Variants in COL4A6 observed in about 807,000 individuals in gnomAD.
COL4A6 encodes collagen alpha-6(IV) chain.
COL4A6 carries 59 observed loss-of-function variants against 126.7 expected under a neutral mutation model. The observed-to-expected ratio is 0.47, with a 90% confidence interval of 0.38 to 0.58. The LOEUF (loss-of-function observed/expected upper bound fraction) is 0.58, where lower values mean the gene tolerates loss of function less well. Among genes scored for constraint, COL4A6 ranks in the 20% least tolerant of loss-of-function variants. COL4A6 has a pLI of 0.00. For missense variants in COL4A6, 1,285 were observed against 1,337.3 expected, an observed-to-expected ratio of 0.96 and a Z score of 0.61; for synonymous variants, 547 against 496.6, an observed-to-expected ratio of 1.10 and a Z score of -1.35.
At chrX:108,292,477 G>A (rs1415115451) in intron 3 of COL4A6, among the ~76,000 whole-genome samples, 1 of 111,903 alleles carries the variant, frequency 8.9e-6, no homozygotes, top group Non-Finnish European at 1.9e-5. Context: ...AGGAGTTTAT[G>A]AAGCTCTTTA....
At chrX:108,223,975 A>G (rs1439895126) in intron 3 of COL4A6, among the ~76,000 whole-genome samples, 1 of 112,087 alleles carries the variant, frequency 8.9e-6, no homozygotes, top group African/African-American at 3.2e-5. Flanking sequence ...GGAAGAGGAC[A>G]GTAAATCACT....
intron 3 of COL4A6, among the ~76,000 whole-genome samples, chrX:108,271,473 G>A (rs1407768003): frequency 8.9e-6 from 1 of 112,151 alleles, no homozygotes; most frequent in Admixed American, 9.5e-5. Flanking sequence ...AAGTAAATAT[G>A]AGTGCAGGCA....
chrX:108,255,241 G>C (rs2036969393), intron 3 of COL4A6, among the ~76,000 whole-genome samples: 1 of 105,673 alleles, frequency 9.5e-6, no homozygotes, highest in South Asian at 4.4e-4. Context: ...GAAGTGGGGG[G>C]GCTACTTCCT....
chrX:108,284,351 C>A (rs1008579449), intron 3 of COL4A6, among the ~76,000 whole-genome samples: 2 of 110,415 alleles, frequency 1.8e-5, no homozygotes, highest in Non-Finnish European at 3.8e-5. Context: ...AGGAGAAATA[C>A]CTAATGTAGA....
At chrX:108,195,557 C>A (rs2148173133) in intron 14 of COL4A6, among the ~76,000 whole-genome samples, 1 of 112,501 alleles carries the variant, frequency 8.9e-6, no homozygotes, top group South Asian at 3.7e-4. Flanking sequence ...CAGACATGAG[C>A]CACCGTGCCT....
In COL4A6 at chrX:108,352,874, C is replaced by T. The variant is rs374702145; in HGVS notation, c.64-42046G>A. 1.2e-4 allele frequency among the ~76,000 whole-genome samples: 14 copies of T among 112,022 alleles called. No homozygotes were observed. In the South Asian group the frequency reaches 5.3e-3, roughly 42 times the overall value. ...CTGGACAAGGTAGCAGGCAATTTTGCCTGTCATCTTATGAGGCTTGACAGA... is the reference window on the plus strand; with the variant it reads ...CTGGACAAGGTAGCAGGCAATTTTGTCTGTCATCTTATGAGGCTTGACAGA... On this transcript the variant is annotated intron_variant, in intron 2 of 44. Transcript: ENST00000334504.
intron 2 of COL4A6, among the ~76,000 whole-genome samples, chrX:108,370,028 C>T (rs2040288946): frequency 8.9e-6 from 1 of 112,077 alleles, no homozygotes; most frequent in Non-Finnish European, 1.9e-5. Context: ...GGGGAAATAA[C>T]ATTGTTGAAG....
chrX:108,219,182 G>C (rs1040646484), intron 5 of COL4A6, among the ~76,000 whole-genome samples: 1 of 112,239 alleles, frequency 8.9e-6, no homozygotes, highest in African/African-American at 3.2e-5. Context: ...TTTTGCAAGA[G>C]GCTGCCTCCA....
chrX:108,351,901 A>G (rs2039856694), intron 2 of COL4A6, among the ~76,000 whole-genome samples: 1 of 112,152 alleles, frequency 8.9e-6, no homozygotes, highest in Non-Finnish European at 1.9e-5. Context: ...AGATATCTAT[A>G]TATTCACTGC....
intron 3 of COL4A6, among the ~76,000 whole-genome samples, chrX:108,283,885 G>A (rs1182728021): frequency 6.3e-5 from 7 of 111,608 alleles, no homozygotes; most frequent in African/African-American, 2.0e-4. Flanking sequence ...GGTGGGCTGT[G>A]GGGGAGGAAG....
chrX:108,257,640 G>C (rs1297698280), intron 3 of COL4A6, among the ~76,000 whole-genome samples: 1 of 110,856 alleles, frequency 9.0e-6, no homozygotes, highest in African/African-American at 3.3e-5. Context: ...ACAGAGGTTG[G>C]ACCTGCCCTG....
chrX:108,436,193 CA>C, intron 2 of COL4A6, among the ~76,000 whole-genome samples: 1 of 111,949 alleles, frequency 8.9e-6, no homozygotes, highest in Middle Eastern at 4.2e-3. Context: ...TTAAATAAGT[CA>C]AAAAATAAAG....
intron 3 of COL4A6, among the ~76,000 whole-genome samples, chrX:108,301,602 G>A (rs988134384): frequency 3.6e-5 from 4 of 111,431 alleles, no homozygotes; most frequent in East Asian, 2.8e-4. Context: ...TTGACATGGT[G>A]GAAAGAACAC....
intron 2 of COL4A6, among the ~76,000 whole-genome samples, chrX:108,424,255 G>A (rs916979464): frequency 1.8e-5 from 2 of 111,342 alleles, no homozygotes; most frequent in Admixed American, 9.6e-5. Context: ...TTCTGTATGG[G>A]GTGGCAGCAC....
chrX:108,366,184 T>C (rs981458551), intron 2 of COL4A6, among the ~76,000 whole-genome samples: 1 of 111,859 alleles, frequency 8.9e-6, no homozygotes, highest in African/African-American at 3.3e-5. Flanking sequence ...TGCCACCTGA[T>C]CCTCCCAACA....
chrX:108,225,588 G>C (rs929782299), intron 3 of COL4A6, among the ~76,000 whole-genome samples: 2 of 112,724 alleles, frequency 1.8e-5, no homozygotes, highest in Admixed American at 9.3e-5. Context: ...GCTGCCTCCT[G>C]CCAACCACAG....
Position 108,241,138 on chromosome X carries a change from CATT to C in COL4A6, c.145-19767_145-19765del, listed in dbSNP as rs771954924. 6.3e-5 allele frequency among the ~76,000 whole-genome samples: 7 copies of C among 110,683 alleles called. No individual in the cohort carries two copies. In the East Asian group the frequency reaches 2.0e-3, roughly 31 times the overall value. On this transcript the variant is annotated intron_variant, in intron 3 of 44. Coordinates refer to ENST00000334504, the MANE Select transcript of COL4A6 (RefSeq NM_033641.4). ...AAGTTATAAAAAATGTAAAATGAGA[CATT>C]ATAGCAGTTCACAAGTAATATAAAT... is the stretch of plus-strand genomic sequence containing the variant.
chrX:108,168,462 C>T (rs1234976252), intron 37 of COL4A6, among the ~76,000 whole-genome samples: 1 of 112,282 alleles, frequency 8.9e-6, no homozygotes. Flanking sequence ...ACACACTGTA[C>T]ACAAACATGC....
At chrX:108,213,799 G>A (rs1159190892) in intron 6 of COL4A6, 1 of 236,132 alleles carries the variant, frequency 4.2e-6, no homozygotes, top group Non-Finnish European at 7.4e-6. Flanking sequence ...TCTGATGTGG[G>A]ACCATGTCAA....
Sources: gnomAD v4.1 joint callset for allele counts (sites outside exome capture counted in the v4.1 genomes callset) on GRCh38, gnomAD v4.1.1 for gene constraint, MANE v1.5 for transcripts, NCBI Gene and HGNC (gene_info 2026-07-23, HGNC 2026-07-21) for gene names.